STARD13: variants seen among roughly 807,000 people sequenced by gnomAD.
The protein encoded by STARD13 is stAR-related lipid transfer protein 13.
STARD13 carries 62 observed loss-of-function variants against 106.4 expected under a neutral mutation model. That is an observed-to-expected ratio of 0.58 (90% confidence interval 0.48 to 0.72). The LOEUF (loss-of-function observed/expected upper bound fraction) is 0.72, where lower values mean the gene tolerates loss of function less well. Among genes scored for constraint, STARD13 ranks in the 30% least tolerant of loss-of-function variants. STARD13 has a pLI of 0.00. For missense variants in STARD13, 1,387 were observed against 1,424.0 expected (o/e 0.97, Z 0.42); for synonymous variants, 565 against 553.0 (o/e 1.02, Z -0.31).
the STARD13 span, among the ~76,000 whole-genome samples, chr13:33,455,789 C>A: frequency 2.6e-5 from 4 of 151,776 alleles, no homozygotes; most frequent in Non-Finnish European, 5.9e-5. Context: ...ACAACAACAA[C>A]AAAAATTAGC....
At chr13:33,443,761 G>A in the STARD13 span, among the ~76,000 whole-genome samples, 727 of 151,914 alleles carry the variant, frequency 4.8e-3, 3 homozygotes, top group Non-Finnish European at 7.7e-3. Flanking sequence ...ATGTGCACCT[G>A]TAATCCCAGC....
At chr13:33,398,622 TG>T in the STARD13 span, among the ~76,000 whole-genome samples, 33,356 of 151,798 alleles carry the variant, frequency 0.22, 5,578 homozygotes, top group East Asian at 0.47. Flanking sequence ...ACAAGGAATA[TG>T]GGGAAAAAAA....
the STARD13 span, among the ~76,000 whole-genome samples, chr13:33,607,383 C>T: frequency 5.9e-5 from 9 of 151,668 alleles, no homozygotes; most frequent in East Asian, 1.6e-3. Context: ...CTGCAACCTC[C>T]GCCTCCTGGG....
chr13:33,189,007 A>T (rs1308519386), intron 1 of STARD13, among the ~76,000 whole-genome samples: 1 of 152,196 alleles, frequency 6.6e-6, no homozygotes, highest in Non-Finnish European at 1.5e-5. Context: ...TTATTAGAGC[A>T]GACATTTAGT....
At chr13:33,610,773 A>G in the STARD13 span, among the ~76,000 whole-genome samples, 3 of 152,212 alleles carry the variant, frequency 2.0e-5, no homozygotes, top group African/African-American at 7.2e-5. Flanking sequence ...TCAGGACTGA[A>G]GCAGGGACGC....
At chr13:33,121,605 A>T (rs147151492) in intron 7 of STARD13, among the ~76,000 whole-genome samples, 212 of 150,550 alleles carry the variant, frequency 1.4e-3, no homozygotes, top group African/African-American at 4.9e-3. Context: ...CAAGGATTTG[A>T]TCTGAATTTT....
At chr13:33,666,654 G>A in the STARD13 span, among the ~76,000 whole-genome samples, 16 of 151,842 alleles carry the variant, frequency 1.1e-4, no homozygotes, top group African/African-American at 2.2e-4. Context: ...GCAGTGGCGC[G>A]ATCTCGACTC....
chr13:33,228,245 G>A (rs918265891), intron 1 of STARD13, among the ~76,000 whole-genome samples: 5 of 152,108 alleles, frequency 3.3e-5, no homozygotes, highest in African/African-American at 4.8e-5. Context: ...AGCCTCTGGC[G>A]AAGGCTGAGG....
At chr13:33,657,493 T>G in the STARD13 span, 1 of 152,204 alleles carries the variant, frequency 6.6e-6, no homozygotes, top group African/African-American at 2.4e-5. Context: ...AGCAGAGGAC[T>G]TAGTCTGGTC....
At chr13:33,106,731 C>G (rs1272080998) in intron 13 of STARD13, 27 bp downstream of exon 13, 1 of 1,572,240 alleles carries the variant, frequency 6.4e-7, no homozygotes, top group East Asian at 2.3e-5. Flanking sequence ...AAGATCTGAG[C>G]CTGCCATTAA....
chr13:33,307,609 G>T (rs925048910), intron 1 of STARD13, among the ~76,000 whole-genome samples: 3 of 152,136 alleles, frequency 2.0e-5, no homozygotes, highest in Non-Finnish European at 4.4e-5. Flanking sequence ...GCTGGACAAT[G>T]AGAACACATG....
At chr13:33,481,447 T>C in the STARD13 span, among the ~76,000 whole-genome samples, 54 of 152,206 alleles carry the variant, frequency 3.5e-4, no homozygotes, top group Admixed American at 3.5e-3. Context: ...CACAGTCTAT[T>C]TGTGCTTTTA....
intron 1 of STARD13, among the ~76,000 whole-genome samples, chr13:33,179,330 C>G (rs528782867): frequency 6.6e-6 from 1 of 152,292 alleles, no homozygotes; most frequent in South Asian, 2.1e-4. Context: ...TAGCATACCT[C>G]AGTTTCTTCA....
At chr13:33,132,960 T>C (rs536230689) in intron 4 of STARD13, among the ~76,000 whole-genome samples, 3 of 152,274 alleles carry the variant, frequency 2.0e-5, no homozygotes, top group African/African-American at 7.2e-5. Context: ...AGGCTGAACG[T>C]TGAACTTATT....
chr13:33,224,398 T>C lies in STARD13; in HGVS notation c.170-56776A>G, dbSNP rs1045990538. ...GCTTCAGTAACAAATAGCTCCCAAG[T>C]CTCAGCAGCTTCATACAACACAAGT... On this transcript the variant is annotated intron_variant, in intron 1 of 13. Transcript: ENST00000336934. 2.0e-5 allele frequency among the ~76,000 whole-genome samples: 3 copies of C among 150,634 alleles called. No individual in the cohort carries two copies. In the East Asian group the frequency reaches 5.8e-4, roughly 29 times the overall value.
At chr13:33,245,189 G>T (rs1230140628) in intron 1 of STARD13, among the ~76,000 whole-genome samples, 1 of 152,098 alleles carries the variant, frequency 6.6e-6, no homozygotes, top group Non-Finnish European at 1.5e-5. Flanking sequence ...CTTTACTATT[G>T]GTTCTAGCGG....
the STARD13 span, among the ~76,000 whole-genome samples, chr13:33,413,106 C>T: frequency 4.6e-5 from 7 of 152,104 alleles, no homozygotes; most frequent in East Asian, 5.8e-4. Context: ...AAATTAATAG[C>T]GGATAGGTAA....
At chr13:33,667,945 C>A in the STARD13 span, among the ~76,000 whole-genome samples, 1 of 152,200 alleles carries the variant, frequency 6.6e-6, no homozygotes, top group African/African-American at 2.4e-5. Context: ...TGAGTTTTGG[C>A]CAATCAAATG....
chr13:33,191,291 T>C (rs1374757481), intron 1 of STARD13, among the ~76,000 whole-genome samples: 1 of 152,236 alleles, frequency 6.6e-6, no homozygotes, highest in Admixed American at 6.5e-5. Context: ...TCTATTATTG[T>C]TACTGAAAGG....
Sources: allele counts gnomAD v4.1 joint callset (sites outside exome capture counted in the v4.1 genomes callset), GRCh38; gene constraint gnomAD v4.1.1; transcripts MANE v1.5; gene names NCBI Gene and HGNC (gene_info 2026-07-23, HGNC 2026-07-21).